GALNT13: variants seen among roughly 807,000 people sequenced by gnomAD.
GALNT13 encodes polypeptide N-acetylgalactosaminyltransferase 13.
A neutral mutation model predicts 64.2 loss-of-function variants in GALNT13; 28 were observed. That is an observed-to-expected ratio of 0.44 (90% confidence interval 0.32 to 0.60). The LOEUF is 0.60. GALNT13 is among the 20% of genes least tolerant of loss of function. The pLI, the probability that GALNT13 is intolerant of heterozygous loss-of-function variation, is 0.05. For missense variants in GALNT13, 577 were observed against 669.8 expected (o/e 0.86, Z 1.53); for synonymous variants, 214 against 224.6 (o/e 0.95, Z 0.42).
chr2:153,429,597 A>T, the GALNT13 span, among the ~76,000 whole-genome samples: 1 of 152,178 alleles, frequency 6.6e-6, no homozygotes, highest in East Asian at 1.9e-4. Context: ...AATCTCAAAC[A>T]TCTTCCGAGA....
At chr2:153,974,329 G>A (rs1226681548) in intron 3 of GALNT13, among the ~76,000 whole-genome samples, 2 of 152,080 alleles carry the variant, frequency 1.3e-5, no homozygotes, top group African/African-American at 4.8e-5. Flanking sequence ...GTATGAGACA[G>A]ATTTGTATTT....
chr2:154,395,902 G>A, intron 9 of GALNT13, 89 bp from the exon 10 acceptor site: 1 of 1,202,976 alleles, frequency 8.3e-7, no homozygotes, highest in Non-Finnish European at 1.1e-6. Context: ...GAATTATGAA[G>A]AAGAAAACTG....
intron 9 of GALNT13, among the ~76,000 whole-genome samples, chr2:154,367,538 T>G (rs890937895): frequency 6.6e-6 from 1 of 152,154 alleles, no homozygotes; most frequent in Non-Finnish European, 1.5e-5. Flanking sequence ...ATTGTTTTTT[T>G]AATATTATGT....
chr2:154,140,667 G>A (rs565740362), intron 4 of GALNT13, among the ~76,000 whole-genome samples, 162 bp downstream of exon 4: 25 of 152,192 alleles, frequency 1.6e-4, no homozygotes, highest in African/African-American at 5.1e-4. Context: ...TGAAAAAGGC[G>A]AACTATTTTC....
At chr2:154,105,074 T>C (rs905142333) in intron 3 of GALNT13, among the ~76,000 whole-genome samples, 21 of 152,134 alleles carry the variant, frequency 1.4e-4, no homozygotes, top group Admixed American at 1.2e-3. Context: ...CCTACCCTTT[T>C]TGAGGGACTC....
intron 3 of GALNT13, among the ~76,000 whole-genome samples, chr2:154,077,985 G>A (rs927018960): frequency 6.6e-6 from 1 of 151,492 alleles, no homozygotes; most frequent in South Asian, 2.1e-4. Context: ...ATATAATCAT[G>A]TATCAGATTA....
intron 8 of GALNT13, among the ~76,000 whole-genome samples, chr2:154,294,890 G>T (rs948803602): frequency 4.6e-5 from 7 of 152,200 alleles, no homozygotes; most frequent in Admixed American, 4.6e-4. Context: ...AAGTAAGTCA[G>T]AGAATTTCTT....
the GALNT13 span, among the ~76,000 whole-genome samples, chr2:153,181,520 C>T: frequency 6.6e-6 from 1 of 150,790 alleles, no homozygotes; most frequent in Non-Finnish European, 1.5e-5. Context: ...TCTGTTAGAT[C>T]CCTTTGGTCT....
the GALNT13 span, among the ~76,000 whole-genome samples, chr2:153,452,786 T>C: frequency 2.6e-5 from 4 of 152,064 alleles, no homozygotes; most frequent in East Asian, 7.7e-4. Flanking sequence ...CTAAAATTTA[T>C]ATGAAACCAA....
At chr2:153,677,075 G>A in the GALNT13 span, among the ~76,000 whole-genome samples, 8 of 152,014 alleles carry the variant, frequency 5.3e-5, no homozygotes, top group African/African-American at 1.9e-4. Flanking sequence ...TTGGAAAAGA[G>A]GAAGTCAAAC....
chr2:153,617,211 G>A, the GALNT13 span, among the ~76,000 whole-genome samples: 1 of 151,852 alleles, frequency 6.6e-6, no homozygotes, highest in Non-Finnish European at 1.5e-5. Context: ...TGTCATAATT[G>A]GCTTTTATTA....
chr2:154,228,394 C>T (rs1688742074), intron 4 of GALNT13, among the ~76,000 whole-genome samples: 1 of 152,120 alleles, frequency 6.6e-6, no homozygotes, highest in Non-Finnish European at 1.5e-5. Context: ...GATTCTGTGT[C>T]CTGCACTTTT....
At chr2:153,934,214 G>A (rs1690738426) in intron 2 of GALNT13, among the ~76,000 whole-genome samples, 1 of 152,064 alleles carries the variant, frequency 6.6e-6, no homozygotes, top group South Asian at 2.1e-4. Flanking sequence ...TAATTAAGGT[G>A]GTAATTTTAT....
the GALNT13 span, among the ~76,000 whole-genome samples, chr2:153,735,228 A>C: frequency 6.6e-6 from 1 of 152,128 alleles, no homozygotes; most frequent in South Asian, 2.1e-4. Context: ...TTTTTAAAGT[A>C]AAAGAACTTT....
chr2:154,349,692 G>A (rs1696280251), intron 9 of GALNT13, among the ~76,000 whole-genome samples: 1 of 152,174 alleles, frequency 6.6e-6, no homozygotes, highest in Non-Finnish European at 1.5e-5. Flanking sequence ...AGCCAGGAAG[G>A]GGGGAGATGG....
the GALNT13 span, among the ~76,000 whole-genome samples, chr2:153,642,140 C>T: frequency 6.6e-6 from 1 of 151,938 alleles, no homozygotes; most frequent in Non-Finnish European, 1.5e-5. Context: ...AGCCCTCACT[C>T]ATTGTCAACT....
At chr2:153,566,347 C>CGTTTTGTTTTT in the GALNT13 span, among the ~76,000 whole-genome samples, 1 of 76,412 alleles carries the variant, frequency 1.3e-5, no homozygotes, top group African/African-American at 5.6e-5. Context: ...CTTCTAATCA[C>CGTTTTGTTTTT]GTTTTTTTTT....
intron 4 of GALNT13, among the ~76,000 whole-genome samples, chr2:154,231,360 A>G (rs1426886374): frequency 1.3e-5 from 2 of 152,074 alleles, no homozygotes; most frequent in Non-Finnish European, 2.9e-5. Context: ...GTTATGATTT[A>G]AAGACATGGG....
chr2:153,338,339 TAAAAC>T, the GALNT13 span, among the ~76,000 whole-genome samples: 2 of 151,994 alleles, frequency 1.3e-5, no homozygotes, highest in Non-Finnish European at 1.5e-5. Context: ...AATTAAAAGA[TAAAAC>T]AAAAATAAAA....
Sources: allele counts gnomAD v4.1 joint callset (sites outside exome capture counted in the v4.1 genomes callset), GRCh38; gene constraint gnomAD v4.1.1; transcripts MANE v1.5; gene names NCBI Gene and HGNC (gene_info 2026-07-23, HGNC 2026-07-21).